The following DGCR6L variants were observed in gnomAD, a reference collection of about 807,000 sequenced individuals.
The protein encoded by DGCR6L is protein DGCR6L.
In DGCR6L, 24 loss-of-function variants were observed where a neutral mutation model predicts 31.1. That is an observed-to-expected ratio of 0.77 (90% CI 0.56 to 1.08). The LOEUF (loss-of-function observed/expected upper bound fraction) is 1.08. Among genes scored for constraint, DGCR6L ranks in the 50% least tolerant of loss-of-function variants. The probability of loss-of-function intolerance (pLI) is 0.00; values close to 1 mark genes in which losing one functional copy is unlikely to be tolerated. For missense variants in DGCR6L, 218 were observed against 287.1 expected, an observed-to-expected ratio of 0.76 and a Z score of 1.74; for synonymous variants, 104 against 126.1, an observed-to-expected ratio of 0.82 and a Z score of 1.17.
intron 2 of DGCR6L, 32 bp downstream of exon 2, chr22:20,319,607 A>C (rs368663047): frequency 1.4e-5 from 22 of 1,606,588 alleles, no homozygotes; most frequent in Non-Finnish European, 1.5e-5. Context: ...GACCCGGAGG[A>C]GGCGGCACCT....
intron 2 of DGCR6L, 70 bp from the exon 3 acceptor site, chr22:20,316,289 T>C: frequency 1.9e-6 from 3 of 1,545,760 alleles, no homozygotes; most frequent in Non-Finnish European, 2.6e-6. Flanking sequence ...GGCACCTGCC[T>C]TGCCAGCCCA....
In DGCR6L at chr22:20,319,979, A is replaced by G. The variant is rs770389382; in HGVS notation, c.10T>C (p.Tyr4His). 1 of 1,593,484 alleles carries G rather than the reference A, an allele frequency of 6.3e-7. No individual in the cohort carries two copies. The highest frequency in any genetic ancestry group is 8.5e-7 in the Non-Finnish European group (1 of 1,171,932). The change falls in exon 1 of 5, where the codon TAC becomes CAC. Residue 4 changes from tyrosine (Y) to histidine (H), a missense_variant. Physicochemically the swap from Tyr to His is moderately conservative, Grantham distance 83. This residue lies in a region of DGCR6L where 77 missense variants were observed against 71.2 expected (regional missense o/e 1.08). Coordinates refer to ENST00000248879, the MANE Select transcript of DGCR6L (RefSeq NM_033257.4). Reference protein sequence around the residue: MERYAAALEEVADG... With the variant: MERHAAALEEVADG... ...GCCACCTCCTCCAAGGCGGCCGCGT[A>G]GCGCTCCATGGCGCGGACGCCCGCT...
rs752595799 is a variant in DGCR6L at position 20,315,372 on chromosome 22, C to T, written c.477G>A (p.Ala159=). Residue 159 remains alanine, a synonymous_variant, in exon 4 of 5, where the codon GCG becomes GCA. Transcript: ENST00000248879. ...TGGTCACGTAGAAGCCAGCCACCCC[C>T]GCCTTCTCCAGTGTGCTCTGCTGGT... The part of the protein sequence containing the change: ...VADQQSTLEK[A]GVAGFYVTTN... The T allele has an allele frequency of 3.6e-5, 58 of 1,613,780 alleles. No homozygotes were observed. The highest frequency in any genetic ancestry group is 4.9e-5 in the Non-Finnish European group (58 of 1,180,004).
rs747849187 is a variant in DGCR6L at position 20,316,108 on chromosome 22, GCCC to G, written c.372+8_372+10del. ...GAGCTGGGCCGGCCACCCTGCCTGC[GCCC>G]CCAGTACCTCTAGTTCTCGCTGCTG... is the stretch of plus-strand genomic sequence containing the variant. On this transcript the variant is annotated splice_region_variant and intron_variant, in intron 3 of 4. Transcript: ENST00000248879. 6.2e-6 allele frequency: 10 copies of G among 1,600,026 alleles called. No homozygotes were observed. In the South Asian group the frequency reaches 1.0e-4, roughly 16 times the overall value.
intron 2 of DGCR6L, among the ~76,000 whole-genome samples, chr22:20,316,483 G>A (rs1248755064): frequency 1.3e-5 from 2 of 152,234 alleles, no homozygotes; most frequent in Non-Finnish European, 2.9e-5. Flanking sequence ...CAAAGCTGCA[G>A]CCCCAGACCC....
intron 4 of DGCR6L, 157 bp downstream of exon 4, chr22:20,315,179 C>A: frequency 4.0e-6 from 6 of 1,507,446 alleles, no homozygotes; most frequent in Non-Finnish European, 5.4e-6. Context: ...GCCTGGCCTC[C>A]GTGCTGGGAA....
chr22:20,319,649 GT>G lies in DGCR6L; in HGVS notation c.260del (p.Asn87ThrfsTer37), dbSNP rs1402758058. 1.2e-6 allele frequency: 2 copies of G among 1,611,414 alleles called. No individual in the cohort carries two copies. The highest frequency in any genetic ancestry group is 4.5e-5 in the East Asian group (2 of 44,872). On this transcript the variant is annotated frameshift_variant, in exon 2 of 5. Coordinates refer to ENST00000248879, the MANE Select transcript of DGCR6L (RefSeq NM_033257.4). LOFTEE classifies it high-confidence loss of function. ...SLYNQRLRLQ[N>X]EHRVLRQALR... Reference sequence around the variant, plus strand: ...GCTGCCCCCGCGCACCTCGGTGCTCGTTCTGTAGGCGCAGGCGCTGGTTGTA... The same window carrying G: ...GCTGCCCCCGCGCACCTCGGTGCTCGTCTGTAGGCGCAGGCGCTGGTTGTA...
In DGCR6L at chr22:20,319,982, G is replaced by A. The variant is rs763412256; in HGVS notation, c.7C>T (p.Arg3Cys). Residue 3 changes from arginine to cysteine, a missense_variant, in exon 1 of 5, where the codon CGC (arginine) becomes TGC (cysteine). This residue lies in a region of DGCR6L where 77 missense variants were observed against 71.2 expected (regional missense o/e 1.08). Coordinates refer to ENST00000248879, the MANE Select transcript of DGCR6L (RefSeq NM_033257.4). MERYAAALEEVAD... is the reference protein window; with the variant it reads MECYAAALEEVAD... ...ACCTCCTCCAAGGCGGCCGCGTAGCGCTCCATGGCGCGGACGCCCGCTAGC... is the reference window on the plus strand; with the variant it reads ...ACCTCCTCCAAGGCGGCCGCGTAGCACTCCATGGCGCGGACGCCCGCTAGC... 1.9e-6 allele frequency: 3 copies of A among 1,580,304 alleles called. No individual in the cohort carries two copies. Among genetic ancestry groups the A allele is most frequent in the South Asian group, 2.3e-5 (2 of 87,726 alleles).
In DGCR6L at chr22:20,315,423, G is replaced by C; in HGVS notation, c.426C>G (p.Ile142Met). The C allele has an allele frequency of 6.2e-7, 1 of 1,613,950 alleles. No homozygotes were observed. Among genetic ancestry groups the C allele is most frequent in the Non-Finnish European group, 8.5e-7 (1 of 1,180,014 alleles). The change falls in exon 4 of 5, where the codon ATC becomes ATG. Residue 142 changes from isoleucine to methionine, a missense_variant. Around this residue, in one of 4 missense-constraint regions of DGCR6L, gnomAD observed 58 missense variants for 105.4 expected, o/e 0.55. Coordinates refer to ENST00000248879, the MANE Select transcript of DGCR6L (RefSeq NM_033257.4). ...EEQRAMDQKI[I>M]LELDRKVADQ... ...CAGCCACCTTCCGGTCCAGCTCCAGGATGATCTTCTGGTCCATCGCCCGCT... is the reference window on the plus strand; with the variant it reads ...CAGCCACCTTCCGGTCCAGCTCCAGCATGATCTTCTGGTCCATCGCCCGCT...
intron 2 of DGCR6L, among the ~76,000 whole-genome samples, chr22:20,317,220 C>T (rs149975287): frequency 1.3e-5 from 2 of 152,364 alleles, no homozygotes; most frequent in East Asian, 3.9e-4. Context: ...CCTGTCTCTT[C>T]ACATTCTGTA....
Position 20,314,620 on chromosome 22 carries a change from G to A in DGCR6L, c.*55C>T, listed in dbSNP as rs2051557333. ...GGAACCCCCTGCGGGCAGCTGGGAA[G>A]GCAGTGGCCAAAGGTCAAGAAGATG... On this transcript the variant is annotated 3_prime_UTR_variant, in exon 5 of 5. Coordinates refer to ENST00000248879, the MANE Select transcript of DGCR6L (RefSeq NM_033257.4). The A allele has an allele frequency of 2.0e-6, 3 of 1,522,438 alleles. No homozygotes were observed. The highest frequency in any genetic ancestry group is 2.6e-6 in the Non-Finnish European group (3 of 1,133,106). The allele number at this position is 1,522,438 out of a possible 1,614,324, so 94.3% of individuals were successfully genotyped here.
intron 3 of DGCR6L, 55 bp downstream of exon 3, chr22:20,316,064 C>A: frequency 6.5e-7 from 1 of 1,530,084 alleles, no homozygotes; most frequent in Non-Finnish European, 8.8e-7. Context: ...GTCAGCAGAG[C>A]CAGGTGGTGC....
rs145876189 is a variant in DGCR6L at position 20,315,410 on chromosome 22, G to A, written c.439C>T (p.Arg147Trp). The part of the protein sequence containing the change: ...MDQKIILELD[R>W]KVADQQSTLE... ...GTGCTCTGCTGGTCAGCCACCTTCC[G>A]GTCCAGCTCCAGGATGATCTTCTGG... is the stretch of plus-strand genomic sequence containing the variant. Residue 147 changes from arginine to tryptophan, a missense_variant, in exon 4 of 5, where the codon CGG becomes TGG. Physicochemically the swap from Arg to Trp is moderately radical, Grantham distance 101. Transcript: ENST00000248879. 43 of 1,613,806 alleles carry A rather than the reference G, an allele frequency of 2.7e-5. No individual in the cohort carries two copies. Among genetic ancestry groups the A allele is most frequent in the African/African-American group, 1.6e-4 (12 of 74,934 alleles).
intron 2 of DGCR6L, 67 bp downstream of exon 2, chr22:20,319,572 A>G: frequency 6.3e-7 from 1 of 1,577,860 alleles, no homozygotes; most frequent in Non-Finnish European, 8.6e-7. Flanking sequence ...ATCTGCACAG[A>G]TACCAAGAGC....
chr22:20,314,925 T>A, intron 4 of DGCR6L, 101 bp from the exon 5 acceptor site: 1 of 1,576,960 alleles, frequency 6.3e-7, no homozygotes, highest in Non-Finnish European at 8.6e-7. Context: ...GCGACCATCC[T>A]GTGAAGCCTG....
rs986236922 is a variant in DGCR6L at position 20,320,041 on chromosome 22, C to A, written c.-53G>T. On this transcript the variant is annotated 5_prime_UTR_variant, in exon 1 of 5. Transcript: ENST00000248879. ...GCGGCGACGAGCTCCCCCAGCTTCA[C>A]GACATCCCGAGCGCGGCGCGTCCCG... 6.8e-7 allele frequency: 1 copy of A among 1,476,370 alleles called. No homozygotes were observed. Among genetic ancestry groups the A allele is most frequent in the South Asian group, 1.4e-5 (1 of 71,960 alleles). 91.5% of individuals were successfully genotyped at this position (1,476,370 alleles called of 1,614,324 possible).
chr22:20,320,011 C>T lies in DGCR6L; in HGVS notation c.-23G>A, dbSNP rs1021618529. ...CATGGCGCGGACGCCCGCTAGCCGC[C>T]GGCGGCGGCGACGAGCTCCCCCAGC... On this transcript the variant is annotated 5_prime_UTR_variant, in exon 1 of 5. Transcript: ENST00000248879. The T allele has an allele frequency of 2.0e-6, 3 of 1,525,424 alleles. No individual in the cohort carries two copies. The highest frequency in any genetic ancestry group is 1.4e-5 in the African/African-American group (1 of 71,234). 94.5% of individuals were successfully genotyped at this position (1,525,424 alleles called of 1,614,324 possible).
intron 3 of DGCR6L, among the ~76,000 whole-genome samples, chr22:20,315,742 C>T (rs1399053238): frequency 2.0e-5 from 3 of 152,208 alleles, no homozygotes; most frequent in South Asian, 2.1e-4. Context: ...CCCTGCCCCA[C>T]GGCTTGTTGG....
intron 2 of DGCR6L, among the ~76,000 whole-genome samples, chr22:20,316,826 G>A (rs2051574951): frequency 6.6e-6 from 1 of 152,214 alleles, no homozygotes; most frequent in South Asian, 2.1e-4. Flanking sequence ...CCATAAGCCT[G>A]TGTGGCTCTG....
Sources: gnomAD v4.1 joint callset for allele counts (sites outside exome capture counted in the v4.1 genomes callset) on GRCh38, gnomAD v4.1.1 for gene constraint, gnomAD v4.1.1 regional missense constraint, MANE v1.5 for transcripts, NCBI Gene and HGNC (gene_info 2026-07-23, HGNC 2026-07-21) for gene names.